SENP6: variants seen among roughly 807,000 people sequenced by gnomAD.
SENP6 encodes sentrin-specific protease 6.
In SENP6, 41 loss-of-function variants were observed where a neutral mutation model predicts 134.5. That is an observed-to-expected ratio of 0.30 (90% CI 0.24 to 0.40). The LOEUF is 0.40. SENP6 is among the 10% of genes least tolerant of loss of function. The pLI is 1.00. For missense variants in SENP6, 1,248 were observed against 1,312.5 expected (o/e 0.95, Z 0.76); for synonymous variants, 395 against 429.8 (o/e 0.92, Z 1.00).
intron 16 of SENP6, among the ~76,000 whole-genome samples, chr6:75,691,744 G>A (rs556092233): frequency 1.4e-4 from 21 of 152,212 alleles, no homozygotes; most frequent in African/African-American, 4.8e-4. Flanking sequence ...ACAGGCGCCT[G>A]CCACCAGGCC....
chr6:75,615,780 A>G (rs1767805933), intron 1 of SENP6, among the ~76,000 whole-genome samples: 1 of 152,174 alleles, frequency 6.6e-6, no homozygotes, highest in Non-Finnish European at 1.5e-5. Flanking sequence ...GATTGATGCT[A>G]TTTTTTAAAA....
intron 21 of SENP6, among the ~76,000 whole-genome samples, chr6:75,711,896 C>G (rs1014296067): frequency 6.6e-6 from 1 of 152,224 alleles, no homozygotes; most frequent in East Asian, 1.9e-4. Flanking sequence ...TGATCTCAAA[C>G]TCCTGGCCTC....
intron 19 of SENP6, among the ~76,000 whole-genome samples, chr6:75,703,957 G>A (rs931482318): frequency 2.6e-5 from 4 of 152,104 alleles, no homozygotes; most frequent in African/African-American, 9.7e-5. Flanking sequence ...AGCATTAACA[G>A]TAGTTGTGCA....
intron 2 of SENP6, chr6:75,622,742 A>G: frequency 7.9e-7 from 1 of 1,265,338 alleles, no homozygotes; most frequent in African/African-American, 1.5e-5. Context: ...TATTGGCTAA[A>G]TATTGTAGGT....
At chr6:75,711,977 G>A (rs1158214084) in intron 21 of SENP6, among the ~76,000 whole-genome samples, 1 of 152,122 alleles carries the variant, frequency 6.6e-6, no homozygotes, top group Non-Finnish European at 1.5e-5. Flanking sequence ...CCGGCCACAA[G>A]TTTTGATAGT....
At chr6:75,606,527 C>T (rs903881898) in intron 1 of SENP6, among the ~76,000 whole-genome samples, 2 of 152,110 alleles carry the variant, frequency 1.3e-5, no homozygotes, top group African/African-American at 4.8e-5. Flanking sequence ...ATGTTTTTTT[C>T]ATAGAGTGTT....
intron 9 of SENP6, 52 bp downstream of exon 9, chr6:75,663,570 G>T: frequency 7.1e-7 from 1 of 1,416,136 alleles, no homozygotes. Context: ...GTATTTTTCA[G>T]ATATATTTTT....
At chr6:75,658,629 A>C (rs897010648) in intron 7 of SENP6, among the ~76,000 whole-genome samples, 1 of 152,044 alleles carries the variant, frequency 6.6e-6, no homozygotes, top group African/African-American at 2.4e-5. Flanking sequence ...ATATCGAGAA[A>C]AATTCTCTTG....
chr6:75,667,661 G>T (rs1024091559), intron 10 of SENP6, among the ~76,000 whole-genome samples: 2 of 152,112 alleles, frequency 1.3e-5, no homozygotes, highest in African/African-American at 4.8e-5. Flanking sequence ...TTTTGGGAAA[G>T]AAATGTAAAA....
At chr6:75,626,421 G>A (rs141035447) in intron 3 of SENP6, among the ~76,000 whole-genome samples, 6 of 151,580 alleles carry the variant, frequency 4.0e-5, no homozygotes, top group Non-Finnish European at 7.4e-5. Flanking sequence ...TTTTTTACTT[G>A]ACAGTATGTT....
chr6:75,694,450 T>C (rs1774516222), intron 16 of SENP6, among the ~76,000 whole-genome samples: 1 of 152,244 alleles, frequency 6.6e-6, no homozygotes, highest in Admixed American at 6.5e-5. Flanking sequence ...TACTTAGATA[T>C]AATACATATA....
intron 7 of SENP6, among the ~76,000 whole-genome samples, chr6:75,653,847 G>A (rs1771105275): frequency 6.6e-6 from 1 of 152,160 alleles, no homozygotes; most frequent in Admixed American, 6.5e-5. Flanking sequence ...GAGTCAGAAA[G>A]TAGTATGTAA....
intron 2 of SENP6, among the ~76,000 whole-genome samples, 192 bp from the exon 3 acceptor site, chr6:75,623,708 T>G (rs1218216096): frequency 6.6e-6 from 1 of 152,202 alleles, no homozygotes; most frequent in Non-Finnish European, 1.5e-5. Flanking sequence ...ATGTATTGTT[T>G]ATGGCTGTTT....
Position 75,602,565 on chromosome 6 carries a change from C to T in SENP6, c.41C>T (p.Thr14Ile). Residue 14 changes from threonine (T) to isoleucine (I), a missense_variant, in exon 1 of 24, where the codon ACT becomes ATT. Physicochemically the swap from Thr to Ile is moderately conservative, Grantham distance 89 (BLOSUM62 -1). Coordinates refer to ENST00000447266, the MANE Select transcript of SENP6 (RefSeq NM_015571.4). ...GKSGGSAGEI[T>I]FLEALARSES... ...AGCGGCGGTAGCGCAGGGGAGATTA[C>T]TTTTCTGGAAGGTACGTCTGTTTCT... is the stretch of plus-strand genomic sequence containing the variant. 1.3e-6 allele frequency: 2 copies of T among 1,551,450 alleles called. No homozygotes were observed. Among genetic ancestry groups the T allele is most frequent in the Non-Finnish European group, 1.7e-6 (2 of 1,146,866 alleles).
rs903332639 is a variant in SENP6, at chr6:75,678,571, T to G, written c.1849-12T>G. ...ATTGACTGTAAATTGCTAATTTAAT[T>G]TCCTTTACCAGGTATCATTTGAATC... On this transcript the variant is annotated splice_polypyrimidine_tract_variant and intron_variant, in intron 14 of 23. Coordinates refer to ENST00000447266, the MANE Select transcript of SENP6 (RefSeq NM_015571.4). The G allele has an allele frequency of 1.6e-6, 2 of 1,271,918 alleles. No individual in the cohort carries two copies. The highest frequency in any genetic ancestry group is 1.9e-4 in the Middle Eastern group (1 of 5,308). The allele number at this position is 1,271,918 out of a possible 1,614,324, so 78.8% of individuals were successfully genotyped here. A position where few individuals can be genotyped will look rare whatever the true frequency, so the allele number is the denominator to read the frequency against.
intron 16 of SENP6, among the ~76,000 whole-genome samples, chr6:75,694,290 C>T (rs183624503): frequency 1.1e-3 from 168 of 152,296 alleles, no homozygotes; most frequent in African/African-American, 3.8e-3. Flanking sequence ...TGTAAGATCA[C>T]TTTACAGAGT....
Position 75,663,268 on chromosome 6 carries a change from T to C in SENP6, c.744T>C (p.Thr248=). Residue 248 remains threonine (T), a synonymous_variant, in exon 9 of 24, where the codon ACT becomes ACC. Transcript: ENST00000447266. ...CRQAITLNES[T]GPLLRTSIHQ... ...AAGCTATTACTTTGAATGAGTCTACTGGACCATTATTAAGAACGTCAATTC... is the reference window on the plus strand; with the variant it reads ...AAGCTATTACTTTGAATGAGTCTACCGGACCATTATTAAGAACGTCAATTC... 1 of 1,613,650 alleles carries C rather than the reference T, an allele frequency of 6.2e-7. No individual in the cohort carries two copies. The highest frequency in any genetic ancestry group is 8.5e-7 in the Non-Finnish European group (1 of 1,179,710).
chr6:75,666,503 T>TA (rs1365029428), intron 9 of SENP6, among the ~76,000 whole-genome samples: 1 of 151,416 alleles, frequency 6.6e-6, no homozygotes, highest in Non-Finnish European at 1.5e-5. Context: ...TACCAAGTCT[T>TA]AATGCTTTCT....
Position 75,678,682 on chromosome 6 carries a change from C to T in SENP6, c.1948C>T (p.Pro650Ser). 1 of 1,578,256 alleles carries T rather than the reference C, an allele frequency of 6.3e-7. No individual in the cohort carries two copies. Among genetic ancestry groups the T allele is most frequent in the East Asian group, 2.2e-5 (1 of 44,624 alleles). ...TGENHTIFIG[P>S]VEKLIVYPPP... ...AGAAAACCACACCATCTTCATTGGCCCAGTAGAAAAGTGAGAGAATTCCTT... is the reference window on the plus strand; with the variant it reads ...AGAAAACCACACCATCTTCATTGGCTCAGTAGAAAAGTGAGAGAATTCCTT... The change falls in exon 15 of 24, where the codon CCA becomes TCA. Residue 650 changes from proline (P) to serine (S), a missense_variant. By Grantham distance (74) the Pro-to-Ser change is moderately conservative. Transcript: ENST00000447266.
Sources: allele counts gnomAD v4.1 joint callset (sites outside exome capture counted in the v4.1 genomes callset), GRCh38; gene constraint gnomAD v4.1.1; transcripts MANE v1.5; gene names NCBI Gene and HGNC (gene_info 2026-07-23, HGNC 2026-07-21).